Variants in XKR4 observed in about 807,000 individuals in gnomAD.
The protein encoded by XKR4 is XK-related protein 4.
A neutral mutation model predicts 53.9 loss-of-function variants in XKR4; 12 were observed. That is an observed-to-expected ratio of 0.22 (90% CI 0.14 to 0.36). The LOEUF (loss-of-function observed/expected upper bound fraction) is 0.36, where lower values mean the gene tolerates loss of function less well. XKR4 is among the 10% of genes least tolerant of loss of function. XKR4 has a pLI of 1.00. For synonymous variants in XKR4, 354 were observed against 362.4 expected, an observed-to-expected ratio of 0.98 and a Z score of 0.26; for missense variants, 799 against 859.5, an observed-to-expected ratio of 0.93 and a Z score of 0.88.
At chr8:55,517,827 TGATTCC>T (rs1234556832) in intron 2 of XKR4, 3 of 152,216 alleles carry the variant, frequency 2.0e-5, no homozygotes, top group African/African-American at 7.2e-5. Flanking sequence ...GCCCTTTAGT[TGATTCC>T]GTATGAAGGA....
intron 1 of XKR4, among the ~76,000 whole-genome samples, chr8:55,289,642 A>AAAGAAAGG (rs1250353683): frequency 9.4e-6 from 1 of 106,236 alleles, no homozygotes; most frequent in Non-Finnish European, 1.8e-5. Context: ...AGAAAGAAAG[A>AAAGAAAGG]AAGAAAGGAA....
intron 2 of XKR4, among the ~76,000 whole-genome samples, chr8:55,359,439 G>A (rs919483367): frequency 6.6e-6 from 1 of 152,180 alleles, no homozygotes. Flanking sequence ...ATAATGCCAG[G>A]TATATGTTTT....
At chr8:55,110,728 AGGTATTT>A (rs1816219954) in intron 1 of XKR4, among the ~76,000 whole-genome samples, 1 of 152,184 alleles carries the variant, frequency 6.6e-6, no homozygotes, top group Non-Finnish European at 1.5e-5. Flanking sequence ...GCTATCTGAT[AGGTATTT>A]TTCATTGAAT....
Position 55,454,064 on chromosome 8 carries a change from C to T in XKR4, c.1007-69217C>T, listed in dbSNP as rs560297209. On this transcript the variant is annotated intron_variant, in intron 2 of 2. Transcript: ENST00000327381. ...GCCCTGCAGCAGCTGATGGAAGAGC[C>T]GCAGCTCTTTGTCCTGCATATTCAA... is the stretch of plus-strand genomic sequence containing the variant. The T allele has an allele frequency of 6.9e-4, 572 of 827,398 alleles. 3 individuals are homozygous for T. In the Middle Eastern group the frequency reaches 0.016, roughly 23 times the overall value. The allele number at this position is 827,398 out of a possible 1,614,324, so 51.3% of individuals were successfully genotyped here.
chr8:55,258,180 G>A (rs745662266), intron 1 of XKR4, among the ~76,000 whole-genome samples: 3 of 152,228 alleles, frequency 2.0e-5, no homozygotes, highest in African/African-American at 7.2e-5. Context: ...AAGGAAGGGG[G>A]ACACTGGGTA....
intron 1 of XKR4, among the ~76,000 whole-genome samples, chr8:55,268,313 A>G (rs762219184): frequency 9.9e-5 from 15 of 152,200 alleles, no homozygotes; most frequent in Non-Finnish European, 1.9e-4. Flanking sequence ...AGAACTTTAC[A>G]AGGCAATAAT....
rs150804263 is a variant in XKR4 at position 55,145,837 on chromosome 8, A to G, written c.806+42543A>G. 2.2e-3 allele frequency among the ~76,000 whole-genome samples: 337 copies of G among 152,358 alleles called. 1 individual carries two copies. Among genetic ancestry groups the G allele is most frequent in the African/African-American group, 7.8e-3 (323 of 41,584 alleles). On this transcript the variant is annotated intron_variant, in intron 1 of 2. Coordinates refer to ENST00000327381, the MANE Select transcript of XKR4 (RefSeq NM_052898.2). Reference sequence around the variant, plus strand: ...TGTGCAGTAGATGCAAAATGAATGCATAGCAGCCCGCCAGTTCACTCCAGT... The same window carrying G: ...TGTGCAGTAGATGCAAAATGAATGCGTAGCAGCCCGCCAGTTCACTCCAGT...
At chr8:55,362,719 G>T (rs1269245741) in intron 2 of XKR4, among the ~76,000 whole-genome samples, 1 of 152,212 alleles carries the variant, frequency 6.6e-6, no homozygotes, top group Non-Finnish European at 1.5e-5. Flanking sequence ...TTTTGTGATT[G>T]TCATATTATG....
At chr8:55,128,621 T>C (rs1816509797) in intron 1 of XKR4, among the ~76,000 whole-genome samples, 1 of 152,160 alleles carries the variant, frequency 6.6e-6, no homozygotes, top group Admixed American at 6.5e-5. Context: ...AGTAGCTGAG[T>C]CTGTCTTGGA....
chr8:55,316,671 C>T (rs72645640), intron 1 of XKR4, among the ~76,000 whole-genome samples: 18,687 of 152,150 alleles, frequency 0.12, 1,488 homozygotes, highest in Non-Finnish European at 0.18. Context: ...CCTGCCCCAC[C>T]ACATCCCTAG....
At chr8:55,212,309 G>A (rs571238995) in intron 1 of XKR4, among the ~76,000 whole-genome samples, 28 of 152,308 alleles carry the variant, frequency 1.8e-4, no homozygotes, top group African/African-American at 6.7e-4. Context: ...ATTCTCTGTG[G>A]AATGTAGATT....
chr8:55,375,040 G>T (rs942148951), intron 2 of XKR4, among the ~76,000 whole-genome samples: 7 of 152,188 alleles, frequency 4.6e-5, no homozygotes, highest in African/African-American at 1.7e-4. Flanking sequence ...GGGTGGAGCT[G>T]CAACCAGGGC....
intron 1 of XKR4, among the ~76,000 whole-genome samples, chr8:55,193,229 T>C (rs780831904): frequency 2.6e-4 from 40 of 152,170 alleles, no homozygotes; most frequent in Non-Finnish European, 4.6e-4. Flanking sequence ...TTTTTAACCT[T>C]CGTGCTTGCA....
At chr8:55,422,590 G>A (rs1013900178) in intron 2 of XKR4, among the ~76,000 whole-genome samples, 1 of 152,208 alleles carries the variant, frequency 6.6e-6, no homozygotes, top group African/African-American at 2.4e-5. Context: ...TCGAATCCCA[G>A]GGAACACAGC....
At chr8:55,410,054 C>A (rs1349045949) in intron 2 of XKR4, among the ~76,000 whole-genome samples, 1 of 151,906 alleles carries the variant, frequency 6.6e-6, no homozygotes, top group Non-Finnish European at 1.5e-5. Flanking sequence ...TTTCTGTTTG[C>A]CATGGCTAGT....
At chr8:55,281,952 C>T (rs1818849537) in intron 1 of XKR4, among the ~76,000 whole-genome samples, 2 of 151,820 alleles carry the variant, frequency 1.3e-5, no homozygotes, top group African/African-American at 4.8e-5. Context: ...CTAACATCTT[C>T]CTTGGCTTAT....
At chr8:55,461,530 CA>C (rs938687647) in intron 2 of XKR4, among the ~76,000 whole-genome samples, 5 of 152,124 alleles carry the variant, frequency 3.3e-5, no homozygotes, top group African/African-American at 1.2e-4. Context: ...GGGGAAAAAA[CA>C]GAGCAGAAAA....
At chr8:55,147,935 T>C (rs1269075415) in intron 1 of XKR4, among the ~76,000 whole-genome samples, 1 of 152,056 alleles carries the variant, frequency 6.6e-6, no homozygotes, top group Non-Finnish European at 1.5e-5. Context: ...GCTGTCTCTG[T>C]CTCTGGGGGA....
At position 55,539,494 on chromosome 8, in the gene XKR4, T is replaced by A. The variant is rs1807073126; in HGVS notation, c.*15267T>A. ...AATTGGCAGTGATATTTCAAAGCCT[T>A]AACATTTCAAGGTGGTTAATTAATA... is the stretch of plus-strand genomic sequence containing the variant. On this transcript the variant is annotated 3_prime_UTR_variant, in exon 3 of 3. Coordinates refer to ENST00000327381, the MANE Select transcript of XKR4 (RefSeq NM_052898.2). 1 of 152,202 alleles carries A rather than the reference T, an allele frequency of 6.6e-6. No individual in the cohort carries two copies. The highest frequency in any genetic ancestry group is 1.5e-5 in the Non-Finnish European group (1 of 68,034). The allele number at this position is 152,202 out of a possible 1,614,324, so 9.4% of individuals were successfully genotyped here.
Sources: gnomAD v4.1 joint callset for allele counts (sites outside exome capture counted in the v4.1 genomes callset) on GRCh38, gnomAD v4.1.1 for gene constraint, MANE v1.5 for transcripts, NCBI Gene and HGNC (gene_info 2026-07-23, HGNC 2026-07-21) for gene names.